NR2F1-AS1: variants seen among roughly 807,000 people sequenced by gnomAD.
The protein encoded by NR2F1-AS1 is NR2F1 antisense RNA 1.
At chr5:93,521,921 G>A (rs986619818) in intron 4 of NR2F1-AS1, among the ~76,000 whole-genome samples, 7 of 151,952 alleles carry the variant, frequency 4.6e-5, no homozygotes, top group East Asian at 1.9e-4. Flanking sequence ...TGTTCATTGC[G>A]GCACTATTCA....
At chr5:93,462,804 G>A (rs1364442305) in intron 4 of NR2F1-AS1, among the ~76,000 whole-genome samples, 2 of 152,142 alleles carry the variant, frequency 1.3e-5, no homozygotes, top group Non-Finnish European at 2.9e-5. Flanking sequence ...CAGATTTGTA[G>A]AACTTTGAAC....
At chr5:93,487,126 C>T (rs185816464) in intron 4 of NR2F1-AS1, among the ~76,000 whole-genome samples, 1 of 152,140 alleles carries the variant, frequency 6.6e-6, no homozygotes, top group African/African-American at 2.4e-5. Flanking sequence ...TATGACAAAC[C>T]CACAGCCAAT....
chr5:93,585,372 A>G, upstream of NR2F1-AS1: 2 of 1,614,026 alleles, frequency 1.2e-6, no homozygotes, highest in Non-Finnish European at 1.7e-6. Flanking sequence ...CGTCCGCAGG[A>G]ACTTAACTTA....
intron 4 of NR2F1-AS1, among the ~76,000 whole-genome samples, chr5:93,500,643 AT>A (rs986230507): frequency 2.0e-5 from 3 of 151,642 alleles, no homozygotes; most frequent in Admixed American, 6.6e-5. Context: ...GTCTTACTAA[AT>A]TTTTTTTTCT....
At position 93,579,108 on chromosome 5, in the gene NR2F1-AS1, A is replaced by C. The variant is rs1009571929; in HGVS notation, n.313+1359T>G. ...GCTTCCGAAGAGAAACTGAGCTCTA[A>C]GTGCCACTCAGGCCGGACGAGTTCC... On this transcript the variant is annotated intron_variant and non_coding_transcript_variant, in intron 1 of 5. Transcript: ENST00000660523. The surrounding 1 kb of genome is among the most constrained non-coding windows in gnomAD (Gnocchi z 5.1). 3.9e-5 allele frequency among the ~76,000 whole-genome samples: 6 copies of C among 152,186 alleles called. No individual in the cohort carries two copies. Among genetic ancestry groups the C allele is most frequent in the Non-Finnish European group, 7.4e-5 (5 of 68,024 alleles).
intron 4 of NR2F1-AS1, among the ~76,000 whole-genome samples, chr5:93,514,439 T>C (rs1427595041): frequency 6.6e-6 from 1 of 152,062 alleles, no homozygotes; most frequent in Non-Finnish European, 1.5e-5. Flanking sequence ...CCAGCACCCA[T>C]TAAACATGAA....
chr5:93,428,315 A>G (rs932422787), intron 4 of NR2F1-AS1, among the ~76,000 whole-genome samples: 3 of 152,220 alleles, frequency 2.0e-5, no homozygotes, highest in Non-Finnish European at 4.4e-5. Context: ...TTTGCACTTT[A>G]TTTCATTAGA....
intron 1 of NR2F1-AS1, among the ~76,000 whole-genome samples, chr5:93,569,387 T>C (rs1752691468): frequency 6.6e-6 from 1 of 152,220 alleles, no homozygotes; most frequent in South Asian, 2.1e-4. Context: ...ACTTGGGGAC[T>C]ATTAGAAAGC....
intron 4 of NR2F1-AS1, among the ~76,000 whole-genome samples, chr5:93,536,304 T>C (rs1445827301): frequency 6.6e-6 from 1 of 152,066 alleles, no homozygotes; most frequent in Non-Finnish European, 1.5e-5. Context: ...CACAAATAAA[T>C]GGAAAGATAT....
chr5:93,573,364 G>C (rs1283903027), intron 1 of NR2F1-AS1, among the ~76,000 whole-genome samples: 1 of 152,164 alleles, frequency 6.6e-6, no homozygotes, highest in Non-Finnish European at 1.5e-5. Flanking sequence ...GGACGGAAAC[G>C]TAGCGTTTAG....
At chr5:93,494,609 C>A (rs1046468046) in intron 4 of NR2F1-AS1, among the ~76,000 whole-genome samples, 3 of 152,064 alleles carry the variant, frequency 2.0e-5, no homozygotes, top group Non-Finnish European at 4.4e-5. Flanking sequence ...AGCAAGACTC[C>A]ATCTCAAAAG....
intron 4 of NR2F1-AS1, among the ~76,000 whole-genome samples, chr5:93,418,588 A>T (rs976858783): frequency 5.4e-5 from 8 of 149,410 alleles, no homozygotes; most frequent in African/African-American, 2.0e-4. Flanking sequence ...CCGTCTCATA[A>T]AAATAAATAA....
At chr5:93,440,439 G>C (rs138941082) in intron 4 of NR2F1-AS1, among the ~76,000 whole-genome samples, 3 of 152,192 alleles carry the variant, frequency 2.0e-5, no homozygotes, top group Non-Finnish European at 2.9e-5. Context: ...ATTAAAGACT[G>C]AGTAAGAAGG....
intron 4 of NR2F1-AS1, among the ~76,000 whole-genome samples, chr5:93,497,234 G>A (rs888628503): frequency 9.2e-5 from 14 of 152,226 alleles, no homozygotes; most frequent in Non-Finnish European, 1.3e-4. Context: ...TGTGAAGGAC[G>A]TGCATGAAGA....
At chr5:93,566,218 A>G (rs768777740) in intron 1 of NR2F1-AS1, among the ~76,000 whole-genome samples, 1 of 151,978 alleles carries the variant, frequency 6.6e-6, no homozygotes, top group Non-Finnish European at 1.5e-5. Flanking sequence ...CATAATAGCT[A>G]TTTAATTGTT....
chr5:93,432,628 G>A (rs1035868914), intron 4 of NR2F1-AS1, among the ~76,000 whole-genome samples: 5 of 152,102 alleles, frequency 3.3e-5, no homozygotes, highest in African/African-American at 7.2e-5. Context: ...TATTTTAAAT[G>A]GTCATTAAAT....
intron 4 of NR2F1-AS1, among the ~76,000 whole-genome samples, chr5:93,428,056 G>C (rs970157657): frequency 6.6e-6 from 1 of 152,142 alleles, no homozygotes; most frequent in Admixed American, 6.5e-5. Flanking sequence ...TATAGTTATG[G>C]ATGCTATACA....
In NR2F1-AS1 at chr5:93,555,877, T is replaced by C. The variant is rs548890418; in HGVS notation, n.414-882A>G. 3.9e-5 allele frequency among the ~76,000 whole-genome samples: 6 copies of C among 152,328 alleles called. No homozygotes were observed. The South Asian group carries it at 1.2e-3, about 32-fold the overall frequency. On this transcript the variant is annotated intron_variant and non_coding_transcript_variant, in intron 2 of 5. Transcript: ENST00000660523. Reference sequence around the variant, plus strand: ...ATGTGAAAATATTAATAATGAGTAGTAGCATTAGAGGTCATGTTTTTCTTC... The same window carrying C: ...ATGTGAAAATATTAATAATGAGTAGCAGCATTAGAGGTCATGTTTTTCTTC...
Position 93,579,671 on chromosome 5 carries a change from C to A in NR2F1-AS1, n.313+796G>T, listed in dbSNP as rs2149935010. Among the ~76,000 whole-genome samples the A allele has an allele frequency of 6.6e-6, 1 of 151,902 alleles. No individual in the cohort carries two copies. The highest frequency in any genetic ancestry group is 2.0e-4 in the East Asian group (1 of 5,114). On this transcript the variant is annotated intron_variant and non_coding_transcript_variant, in intron 1 of 5. Coordinates refer to ENST00000660523, the Ensembl canonical transcript of NR2F1-AS1. The surrounding 1 kb of genome is among the most constrained non-coding windows in gnomAD (Gnocchi z 5.1). ...CCTCTGACGCAAACGCACGCCCCTGCCCCGCACGGAGGAAAGCGCTCTTGT... is the reference window on the plus strand; with the variant it reads ...CCTCTGACGCAAACGCACGCCCCTGACCCGCACGGAGGAAAGCGCTCTTGT...
Sources: gnomAD v4.1 joint callset for allele counts (sites outside exome capture counted in the v4.1 genomes callset) on GRCh38, gnomAD v4.1.1 for gene constraint, Gnocchi (gnomAD v3.1) non-coding constraint, MANE v1.5 for transcripts, NCBI Gene and HGNC (gene_info 2026-07-23, HGNC 2026-07-21) for gene names.